TTC7B: variants seen among roughly 807,000 people sequenced by gnomAD.
TTC7B encodes tetratricopeptide repeat domain 7B, also known as tetratricopeptide repeat protein 7B.
Under a neutral mutation model 106.8 loss-of-function variants are expected in TTC7B, and 28 were observed. The observed-to-expected ratio is 0.26, with a 90% confidence interval of 0.19 to 0.36. The LOEUF (loss-of-function observed/expected upper bound fraction) is 0.36. Ranked by LOEUF, TTC7B falls within the 10% of genes least tolerant of loss-of-function variation. The pLI is 1.00. For missense variants in TTC7B, 862 were observed against 1,076.4 expected, an observed-to-expected ratio of 0.80 and a Z score of 2.79; for synonymous variants, 405 against 430.6, an observed-to-expected ratio of 0.94 and a Z score of 0.74.
chr14:90,583,355 G>A, intron 18 of TTC7B, among the ~76,000 whole-genome samples: 1 of 152,238 alleles, frequency 6.6e-6, no homozygotes, highest in African/African-American at 2.4e-5. Context: ...ATTACTGAAT[G>A]CTGGGTGTGG....
intron 18 of TTC7B, among the ~76,000 whole-genome samples, chr14:90,582,905 G>A (rs1000217222): frequency 3.3e-5 from 5 of 152,212 alleles, no homozygotes; most frequent in African/African-American, 1.2e-4. Context: ...TGGAGTTGGA[G>A]ATAAAAAGGA....
intron 1 of TTC7B, among the ~76,000 whole-genome samples, chr14:90,804,392 T>C (rs1188845107): frequency 2.6e-5 from 4 of 151,626 alleles, no homozygotes; most frequent in Admixed American, 6.6e-5. Flanking sequence ...TGCAGGTCTG[T>C]GGGTGGACAA....
rs563927453 is a variant in TTC7B, at chr14:90,633,431, A to AG, written c.1751+10616dup. ...GTGGCTTTCCTTAGCGGCCATTGTA[A>AG]GGCTTGCTGAATGAGAATGCAACCT... On this transcript the variant is annotated intron_variant, in intron 15 of 19. Transcript: ENST00000328459. 1.8e-3 allele frequency among the ~76,000 whole-genome samples: 267 copies of AG among 152,370 alleles called. 2 individuals are homozygous for AG. The highest frequency in any genetic ancestry group is 6.0e-3 in the African/African-American group (249 of 41,594).
rs1566867005 is a variant in TTC7B, at chr14:90,744,777, G to GAGGA, written c.576+14_576+15insTCCT. 1.2e-6 allele frequency: 2 copies of GAGGA among 1,607,768 alleles called. No homozygotes were observed. Among genetic ancestry groups the GAGGA allele is most frequent in the African/African-American group, 2.7e-5 (2 of 74,684 alleles). ...GGAAAAAGTTATCAGGAACAAACAC[G>GAGGA]TGGTCCTCACTTACCCTTTCTATCT... On this transcript the variant is annotated intron_variant, in intron 4 of 19. Transcript: ENST00000328459.
At chr14:90,572,033 A>G (rs778021939) in intron 19 of TTC7B, among the ~76,000 whole-genome samples, 12 of 152,178 alleles carry the variant, frequency 7.9e-5, no homozygotes, top group South Asian at 2.1e-4. Context: ...GGAGACAGCA[A>G]TTTTTCCCAA....
intron 3 of TTC7B, among the ~76,000 whole-genome samples, chr14:90,750,752 G>A (rs1360773284): frequency 2.0e-5 from 3 of 152,280 alleles, no homozygotes; most frequent in South Asian, 4.1e-4. Flanking sequence ...ATTAAGTATT[G>A]TTCCTTTCCC....
intron 3 of TTC7B, among the ~76,000 whole-genome samples, chr14:90,754,187 C>T (rs1402654064): frequency 2.0e-5 from 3 of 152,202 alleles, no homozygotes. Context: ...TGTCAAGTAA[C>T]TCACCCAAGA....
chr14:90,708,451 T>C (rs1335843071), intron 5 of TTC7B, among the ~76,000 whole-genome samples: 5 of 152,204 alleles, frequency 3.3e-5, no homozygotes, highest in Non-Finnish European at 7.3e-5. Context: ...TTGAAAATCC[T>C]AGGGCCCTTA....
chr14:90,652,814 C>A, intron 13 of TTC7B, 27 bp downstream of exon 13: 4 of 1,612,200 alleles, frequency 2.5e-6, no homozygotes, highest in Non-Finnish European at 3.4e-6. Context: ...TATGTACAGC[C>A]GAGTGAAAAG....
chr14:90,756,440 C>T (rs1241713194), intron 3 of TTC7B, among the ~76,000 whole-genome samples: 1 of 147,146 alleles, frequency 6.8e-6, no homozygotes, highest in Non-Finnish European at 1.5e-5. Flanking sequence ...GTCACCTAGG[C>T]TGGAGTGCAA....
intron 15 of TTC7B, among the ~76,000 whole-genome samples, chr14:90,643,188 C>T (rs748915699): frequency 3.9e-5 from 6 of 152,224 alleles, no homozygotes; most frequent in Non-Finnish European, 7.4e-5. Flanking sequence ...GAGGGCAGAT[C>T]GTGAGGTCAG....
chr14:90,711,174 G>C (rs968854864), intron 5 of TTC7B, among the ~76,000 whole-genome samples: 1 of 152,152 alleles, frequency 6.6e-6, no homozygotes, highest in African/African-American at 2.4e-5. Context: ...AAAAGCACCA[G>C]AGATGTAAAT....
At chr14:90,670,037 G>A (rs1457145571) in intron 9 of TTC7B, among the ~76,000 whole-genome samples, 3 of 152,248 alleles carry the variant, frequency 2.0e-5, no homozygotes, top group Admixed American at 1.3e-4. Flanking sequence ...TCCAAGGACA[G>A]TATTCACTGC....
At chr14:90,656,563 G>A (rs1885955959) in intron 11 of TTC7B, among the ~76,000 whole-genome samples, 3 of 152,164 alleles carry the variant, frequency 2.0e-5, no homozygotes, top group Admixed American at 1.3e-4. Flanking sequence ...AATATAGGGT[G>A]ACTCCTTGCT....
At chr14:90,706,257 G>T (rs998221542) in intron 5 of TTC7B, among the ~76,000 whole-genome samples, 2 of 151,670 alleles carry the variant, frequency 1.3e-5, no homozygotes, top group Admixed American at 6.6e-5. Flanking sequence ...CCACCTCCCG[G>T]GTTCACACCA....
intron 19 of TTC7B, among the ~76,000 whole-genome samples, chr14:90,545,543 G>A (rs774073602): frequency 1.4e-4 from 22 of 152,190 alleles, no homozygotes; most frequent in Admixed American, 2.6e-4. Flanking sequence ...ACAGCCAACC[G>A]ACTGGGCCAT....
intron 3 of TTC7B, chr14:90,766,702 G>T: frequency 2.1e-6 from 3 of 1,460,962 alleles, no homozygotes; most frequent in Non-Finnish European, 1.9e-6. Flanking sequence ...GAGGGCGGGA[G>T]AACTCACTGA....
At chr14:90,554,909 G>A (rs1890238165) in intron 19 of TTC7B, among the ~76,000 whole-genome samples, 1 of 152,122 alleles carries the variant, frequency 6.6e-6, no homozygotes, top group South Asian at 2.1e-4. Context: ...TTCCTGGAGT[G>A]GATCGACTCT....
chr14:90,544,166 G>A (rs963921578), intron 19 of TTC7B, among the ~76,000 whole-genome samples: 11 of 152,236 alleles, frequency 7.2e-5, no homozygotes, highest in African/African-American at 1.7e-4. Context: ...AGGAGGAGGC[G>A]GAGGCCACGC....
Sources: gnomAD v4.1 joint callset for allele counts (sites outside exome capture counted in the v4.1 genomes callset) on GRCh38, gnomAD v4.1.1 for gene constraint, MANE v1.5 for transcripts, NCBI Gene and HGNC (gene_info 2026-07-23, HGNC 2026-07-21) for gene names.